RORA: variants seen among roughly 807,000 people sequenced by gnomAD.
The protein encoded by RORA is RAR related orphan receptor A, also known as nuclear receptor ROR-alpha.
Under a neutral mutation model 69.5 loss-of-function variants are expected in RORA, and 7 were observed. The observed-to-expected ratio is 0.10, with a 90% CI of 0.06 to 0.19. The LOEUF is 0.19. RORA is among the 10% of genes least tolerant of loss of function. RORA has a pLI of 1.00. For missense variants in RORA, 457 were observed against 663.0 expected, an observed-to-expected ratio of 0.69 and a Z score of 3.41; for synonymous variants, 261 against 240.8, an observed-to-expected ratio of 1.08 and a Z score of -0.78.
At chr15:60,776,966 T>C (rs908665311) in intron 1 of RORA, among the ~76,000 whole-genome samples, 36 of 152,202 alleles carry the variant, frequency 2.4e-4, no homozygotes, top group African/African-American at 8.7e-4. Context: ...AAATATATGC[T>C]CCTCCAAGAC....
At position 60,987,530 on chromosome 15, in the gene RORA, C is replaced by T. The variant is rs74427308; in HGVS notation, c.166+241523G>A. Among the ~76,000 whole-genome samples the T allele has an allele frequency of 5.5e-3, 841 of 152,286 alleles. 11 individuals are homozygous for T. The highest frequency in any genetic ancestry group is 0.019 in the African/African-American group (804 of 41,558). On this transcript the variant is annotated intron_variant, in intron 1 of 10. Coordinates refer to ENST00000335670, the MANE Select transcript of RORA (RefSeq NM_134261.3). Reference sequence around the variant, plus strand: ...CAAAAATGGTAAGTATTACAACTTTCATTATTCCAGCCAATTACTGATGCC... The same window carrying T: ...CAAAAATGGTAAGTATTACAACTTTTATTATTCCAGCCAATTACTGATGCC...
intron 1 of RORA, among the ~76,000 whole-genome samples, chr15:61,051,740 T>C (rs761859889): frequency 6.6e-6 from 1 of 152,172 alleles, no homozygotes; most frequent in Non-Finnish European, 1.5e-5. Context: ...CACTTCTACA[T>C]GCAAAGGAAT....
intron 1 of RORA, among the ~76,000 whole-genome samples, chr15:60,859,651 CTTTCTTTTTTTTT>C (rs2073417624): frequency 1.0e-5 from 1 of 96,424 alleles, no homozygotes; most frequent in Non-Finnish European, 2.0e-5. Flanking sequence ...TTCTTTCTTT[CTTTCTTTTTTTTT>C]TTTTTTTAGA....
At chr15:60,947,305 G>A (rs1220932873) in intron 1 of RORA, among the ~76,000 whole-genome samples, 2 of 151,876 alleles carry the variant, frequency 1.3e-5, no homozygotes, top group South Asian at 2.1e-4. Context: ...GTGTCTGTGT[G>A]GAAAGAGGTA....
chr15:60,599,602 A>G (rs2068769987), intron 2 of RORA, among the ~76,000 whole-genome samples: 2 of 152,154 alleles, frequency 1.3e-5, no homozygotes, highest in Admixed American at 1.3e-4. Flanking sequence ...GAGACAGAAA[A>G]TGCATTTCTC....
chr15:61,160,663 T>C (rs2079486887), intron 1 of RORA, among the ~76,000 whole-genome samples: 1 of 152,100 alleles, frequency 6.6e-6, no homozygotes, highest in South Asian at 2.1e-4. Context: ...ATAGAGGTGA[T>C]AAGAAACATA....
At chr15:61,034,093 C>G (rs555017255) in intron 1 of RORA, among the ~76,000 whole-genome samples, 1 of 152,052 alleles carries the variant, frequency 6.6e-6, no homozygotes, top group East Asian at 1.9e-4. Context: ...ATTGGACAGT[C>G]CTGGTCTAGA....
At chr15:60,927,760 G>A (rs965376225) in intron 1 of RORA, among the ~76,000 whole-genome samples, 3 of 152,116 alleles carry the variant, frequency 2.0e-5, no homozygotes, top group African/African-American at 7.2e-5. Flanking sequence ...GGTGACAGAG[G>A]AAGACTCTGT....
At chr15:60,700,177 G>A (rs1017697320) in intron 1 of RORA, among the ~76,000 whole-genome samples, 7 of 152,162 alleles carry the variant, frequency 4.6e-5, no homozygotes, top group African/African-American at 1.7e-4. Context: ...GCCATCAAAT[G>A]AGATTTGAAT....
chr15:60,770,125 G>A (rs2072051594), intron 1 of RORA, among the ~76,000 whole-genome samples: 1 of 152,124 alleles, frequency 6.6e-6, no homozygotes, highest in Non-Finnish European at 1.5e-5. Context: ...TTTTAAAAAG[G>A]CACAATTTAC....
At chr15:60,751,044 G>T (rs1221137822) in intron 1 of RORA, among the ~76,000 whole-genome samples, 1 of 152,214 alleles carries the variant, frequency 6.6e-6, no homozygotes, top group East Asian at 1.9e-4. Context: ...GGGAAGAAAG[G>T]CAGGTGGGGA....
intron 7 of RORA, 75 bp from the exon 8 acceptor site, chr15:60,502,942 T>C: frequency 3.2e-6 from 3 of 938,796 alleles, no homozygotes; most frequent in Non-Finnish European, 5.3e-6. Flanking sequence ...GCTGCTCATG[T>C]AGAGACTCCT....
intron 1 of RORA, among the ~76,000 whole-genome samples, chr15:60,948,663 T>A (rs931534394): frequency 3.3e-5 from 5 of 152,366 alleles, no homozygotes; most frequent in Middle Eastern, 3.4e-3. Context: ...ACAAGTTATG[T>A]GACTTGGTGA....
At chr15:61,207,662 A>G (rs968753614) in intron 1 of RORA, among the ~76,000 whole-genome samples, 9 of 152,240 alleles carry the variant, frequency 5.9e-5, no homozygotes, top group African/African-American at 1.9e-4. Context: ...AAAGCAAAGT[A>G]TGAGGCTGTT....
chr15:61,051,200 G>A (rs1015052179), intron 1 of RORA, among the ~76,000 whole-genome samples: 3 of 152,200 alleles, frequency 2.0e-5, no homozygotes, highest in Non-Finnish European at 2.9e-5. Flanking sequence ...GGCACTCAGG[G>A]TAGACAGAAG....
intron 1 of RORA, among the ~76,000 whole-genome samples, chr15:60,785,326 G>A (rs1474883274): frequency 6.6e-6 from 1 of 152,174 alleles, no homozygotes; most frequent in Non-Finnish European, 1.5e-5. Context: ...TCTTCCTGAG[G>A]TCACTGATGG....
Position 61,163,706 on chromosome 15 carries a change from T to G in RORA, c.166+65347A>C, listed in dbSNP as rs556160032. Among the ~76,000 whole-genome samples the G allele has an allele frequency of 5.9e-5, 9 of 152,276 alleles. No homozygotes were observed. The South Asian group carries it at 1.9e-3, about 32-fold the overall frequency. Reference sequence around the variant, plus strand: ...GATCTGCTCAGGGGCAATGACAAATTCCACAGAGTTTGTCACAGGAAATCT... The same window carrying G: ...GATCTGCTCAGGGGCAATGACAAATGCCACAGAGTTTGTCACAGGAAATCT... On this transcript the variant is annotated intron_variant, in intron 1 of 10. Transcript: ENST00000335670.
At chr15:60,538,423 TAAATGGGA>T (rs952445410) in intron 2 of RORA, among the ~76,000 whole-genome samples, 43 of 152,230 alleles carry the variant, frequency 2.8e-4, no homozygotes, top group African/African-American at 1.0e-3. Context: ...AAAACCTATA[TAAATGGGA>T]AGCTTCAGGA....
intron 1 of RORA, among the ~76,000 whole-genome samples, chr15:60,735,455 C>G (rs1014610741): frequency 6.6e-6 from 1 of 152,044 alleles, no homozygotes; most frequent in Non-Finnish European, 1.5e-5. Flanking sequence ...ACACCTCCAT[C>G]GTAACTGCCT....
Sources: allele counts gnomAD v4.1 joint callset (sites outside exome capture counted in the v4.1 genomes callset), GRCh38; gene constraint gnomAD v4.1.1; transcripts MANE v1.5; gene names NCBI Gene and HGNC (gene_info 2026-07-23, HGNC 2026-07-21).